NCAM2: variants seen among roughly 807,000 people sequenced by gnomAD.
NCAM2 encodes the protein N-CAM-2.
NCAM2 carries 30 observed loss-of-function variants against 98.1 expected under a neutral mutation model. The ratio of observed to expected loss-of-function variants is 0.31; its 90% CI spans 0.23 to 0.41. NCAM2 has a LOEUF of 0.41. Ranked by LOEUF, NCAM2 falls within the 10% of genes least tolerant of loss-of-function variation. The pLI is 1.00. For synonymous variants in NCAM2, 368 were observed against 342.4 expected (o/e 1.07, Z -0.83); for missense variants, 867 against 1,005.8 (o/e 0.86, Z 1.87).
In NCAM2 at chr21:21,539,276, G is replaced by T. The variant is rs1349128576; in HGVS notation, c.*1319G>T. 6.6e-6 allele frequency: 1 copy of T among 152,122 alleles called. No homozygotes were observed. The highest frequency in any genetic ancestry group is 2.4e-5 in the African/African-American group (1 of 41,418). The allele number at this position is 152,122 out of a possible 1,614,324, so 9.4% of individuals were successfully genotyped here. On this transcript the variant is annotated 3_prime_UTR_variant, in exon 18 of 18. Coordinates refer to ENST00000400546, the MANE Select transcript of NCAM2 (RefSeq NM_004540.5). ...TAACTTATATGTAAGGTTTAAAAAA[G>T]TATTTATCATTATAAACATACATAC... is the stretch of plus-strand genomic sequence containing the variant.
At chr21:21,166,994 A>G (rs2067973288) in intron 1 of NCAM2, among the ~76,000 whole-genome samples, 1 of 152,206 alleles carries the variant, frequency 6.6e-6, no homozygotes, top group Non-Finnish European at 1.5e-5. Context: ...TAACCTGCTG[A>G]CTACCCTTCT....
intron 1 of NCAM2, among the ~76,000 whole-genome samples, chr21:21,144,449 T>C (rs1000441652): frequency 1.3e-5 from 2 of 152,104 alleles, no homozygotes; most frequent in Non-Finnish European, 2.9e-5. Context: ...TAGTTCAAGA[T>C]TATACACTCC....
In NCAM2 at chr21:21,125,023, C is replaced by A. The variant is rs561153739; in HGVS notation, c.55+126405C>A. On this transcript the variant is annotated intron_variant, in intron 1 of 17. Coordinates refer to ENST00000400546, the MANE Select transcript of NCAM2 (RefSeq NM_004540.5). ...AAATTAAAAGCAAAGGTAATAAATG[C>A]TCAAAACTCACCAGTTTCTAAGTGT... 5.3e-5 allele frequency among the ~76,000 whole-genome samples: 8 copies of A among 152,122 alleles called. 1 individual carries two copies. The South Asian group carries it at 1.7e-3, about 32-fold the overall frequency.
chr21:21,383,683 T>A (rs1026729290), intron 9 of NCAM2, among the ~76,000 whole-genome samples: 3 of 152,142 alleles, frequency 2.0e-5, no homozygotes, highest in Non-Finnish European at 4.4e-5. Flanking sequence ...TGCCATTATA[T>A]AATGAAAAAT....
Position 21,136,475 on chromosome 21 carries a change from T to G in NCAM2, c.55+137857T>G, listed in dbSNP as rs2067053033. On this transcript the variant is annotated intron_variant, in intron 1 of 17. Transcript: ENST00000400546. ...TACTCAATTTATCTCTTTTTTTTTT[T>G]TTTGGAGACGGAGTCTCATTCTGTC... Among the ~76,000 whole-genome samples the G allele has an allele frequency of 2.6e-5, 4 of 151,920 alleles. 1 individual carries two copies. Among genetic ancestry groups the G allele is most frequent in the Non-Finnish European group, 1.5e-5 (1 of 67,936 alleles).
intron 8 of NCAM2, among the ~76,000 whole-genome samples, chr21:21,339,793 G>A (rs1418560329): frequency 6.6e-6 from 1 of 151,658 alleles, no homozygotes; most frequent in East Asian, 1.9e-4. Flanking sequence ...AACTTCTCTG[G>A]TCAATTTATT....
chr21:21,029,382 C>T (rs1314444338), intron 1 of NCAM2, among the ~76,000 whole-genome samples: 2 of 152,004 alleles, frequency 1.3e-5, no homozygotes, highest in Non-Finnish European at 2.9e-5. Flanking sequence ...TATTTGTGAC[C>T]AGAATGGCAA....
At chr21:21,074,369 T>C (rs8131997) in intron 1 of NCAM2, among the ~76,000 whole-genome samples, 5,622 of 152,180 alleles carry the variant, frequency 0.037, 319 homozygotes, top group African/African-American at 0.13. Flanking sequence ...TTACATTTAT[T>C]GATTAACATT....
rs2147347032 is a variant in NCAM2 at position 21,261,391 on chromosome 21, T to C, written c.56-19187T>C. Among the ~76,000 whole-genome samples the C allele has an allele frequency of 2.0e-5, 3 of 152,204 alleles. No homozygotes were observed. In the Middle Eastern group the frequency reaches 0.01, roughly 518 times the overall value. ...ATCTACCCAACAGCTGGAAAATGCT[T>C]TTTTTTCCCCTCATCTGTGCATGGG... is the stretch of plus-strand genomic sequence containing the variant. On this transcript the variant is annotated intron_variant, in intron 1 of 17. Transcript: ENST00000400546.
At chr21:21,168,708 A>G (rs1733189159) in intron 1 of NCAM2, among the ~76,000 whole-genome samples, 1 of 152,198 alleles carries the variant, frequency 6.6e-6, no homozygotes, top group South Asian at 2.1e-4. Flanking sequence ...ATACTTTCCA[A>G]AATGAAATAT....
At chr21:21,459,533 A>T (rs967452830) in intron 12 of NCAM2, among the ~76,000 whole-genome samples, 1 of 148,286 alleles carries the variant, frequency 6.7e-6, no homozygotes, top group Non-Finnish European at 1.5e-5. Context: ...TATATATAAT[A>T]TTGTTTATAT....
rs771953481 is a variant in NCAM2, at chr21:21,441,409, TA to T, written c.1654+9134del. ...AGTTATATTGAACAAAATATACATTTAAAAAATCTAATTACTAAATATTCTC... is the reference window on the plus strand; with the variant it reads ...AGTTATATTGAACAAAATATACATTTAAAAATCTAATTACTAAATATTCTC... On this transcript the variant is annotated intron_variant, in intron 12 of 17. Transcript: ENST00000400546. Among the ~76,000 whole-genome samples the T allele has an allele frequency of 2.6e-5, 4 of 152,324 alleles. No individual in the cohort carries two copies. The East Asian group carries it at 5.8e-4, about 22-fold the overall frequency.
At chr21:21,048,399 C>CTGGA (rs2070079249) in intron 1 of NCAM2, among the ~76,000 whole-genome samples, 1 of 152,040 alleles carries the variant, frequency 6.6e-6, no homozygotes, top group South Asian at 2.1e-4. Context: ...GTCACCCAGA[C>CTGGA]TGGAGTACAG....
At chr21:21,475,473 A>T (rs1985047942) in intron 14 of NCAM2, among the ~76,000 whole-genome samples, 1 of 152,152 alleles carries the variant, frequency 6.6e-6, no homozygotes. Context: ...TAATTGATGA[A>T]TGAGTGGGTG....
intron 14 of NCAM2, among the ~76,000 whole-genome samples, chr21:21,472,759 G>T (rs1291434936): frequency 6.6e-6 from 1 of 151,970 alleles, no homozygotes; most frequent in East Asian, 1.9e-4. Flanking sequence ...AGGAAAATTA[G>T]ATTTATTTTG....
intron 1 of NCAM2, among the ~76,000 whole-genome samples, chr21:21,104,472 T>C (rs2066305543): frequency 6.6e-6 from 1 of 152,194 alleles, no homozygotes; most frequent in African/African-American, 2.4e-5. Flanking sequence ...TGCCAAGCAT[T>C]TGTTTCATGC....
At chr21:21,473,171 A>G (rs1984677464) in intron 14 of NCAM2, among the ~76,000 whole-genome samples, 1 of 151,168 alleles carries the variant, frequency 6.6e-6, no homozygotes, top group Non-Finnish European at 1.5e-5. Context: ...GCCTCTACCC[A>G]GGACAGCTCT....
intron 15 of NCAM2, among the ~76,000 whole-genome samples, chr21:21,508,156 C>T (rs1988109788): frequency 6.6e-6 from 1 of 152,092 alleles, no homozygotes; most frequent in Admixed American, 6.5e-5. Flanking sequence ...TGGCTTCCAC[C>T]TTCTCCTACC....
Position 21,249,304 on chromosome 21 carries a change from G to A in NCAM2, c.56-31274G>A, listed in dbSNP as rs541263028. Among the ~76,000 whole-genome samples the A allele has an allele frequency of 6.6e-5, 10 of 152,182 alleles. No individual in the cohort carries two copies. In the South Asian group the frequency reaches 2.1e-3, roughly 32 times the overall value. On this transcript the variant is annotated intron_variant, in intron 1 of 17. Coordinates refer to ENST00000400546, the MANE Select transcript of NCAM2 (RefSeq NM_004540.5). ...ATCTTTAGCTAATACAATTATTGATGCACTTGAGAAAAGTTACTACATTGC... is the reference window on the plus strand; with the variant it reads ...ATCTTTAGCTAATACAATTATTGATACACTTGAGAAAAGTTACTACATTGC...
Sources: gnomAD v4.1 joint callset for allele counts (sites outside exome capture counted in the v4.1 genomes callset) on GRCh38, gnomAD v4.1.1 for gene constraint, MANE v1.5 for transcripts, NCBI Gene and HGNC (gene_info 2026-07-23, HGNC 2026-07-21) for gene names.